SAMD12: variants seen among roughly 807,000 people sequenced by gnomAD.
SAMD12 encodes sterile alpha motif domain containing 12, also known as sterile alpha motif domain-containing protein 12.
A neutral mutation model predicts 15.0 loss-of-function variants in SAMD12; 9 were observed. The observed-to-expected ratio is 0.60, with a 90% CI of 0.36 to 1.05. SAMD12 has a LOEUF of 1.05. SAMD12 is among the 50% of genes least tolerant of loss of function. The probability of loss-of-function intolerance (pLI) is 0.01; values close to 1 mark genes in which losing one functional copy is unlikely to be tolerated. For missense variants in SAMD12, 230 were observed against 234.2 expected (o/e 0.98, Z 0.12); for synonymous variants, 86 against 90.1 (o/e 0.96, Z 0.25).
rs147708237 is a variant in SAMD12 at position 118,409,255 on chromosome 8, T to C, written c.323-29555A>G. Among the ~76,000 whole-genome samples, 19 of 152,250 alleles carry C rather than the reference T, an allele frequency of 1.2e-4. No homozygotes were observed. In the East Asian group the frequency reaches 3.7e-3, roughly 29 times the overall value. ...GAAAATAAGTCCTAATCTTCCACAA[T>C]GTTTTGACTAGATCATTGACGAGAT... On this transcript the variant is annotated intron_variant, in intron 3 of 3. Coordinates refer to ENST00000314727, the MANE Select transcript of SAMD12 (RefSeq NM_207506.3).
chr8:118,546,244 C>T (rs1826119341), intron 2 of SAMD12, among the ~76,000 whole-genome samples: 1 of 152,136 alleles, frequency 6.6e-6, no homozygotes, highest in Non-Finnish European at 1.5e-5. Context: ...AAGCCAAGAC[C>T]TGGACAATGT....
intron 2 of SAMD12, among the ~76,000 whole-genome samples, chr8:118,538,401 C>T (rs1409894540): frequency 2.0e-5 from 3 of 152,200 alleles, no homozygotes; most frequent in Non-Finnish European, 4.4e-5. Flanking sequence ...CTTTAGCTTA[C>T]AGTGGCAGGG....
downstream of SAMD12, among the ~76,000 whole-genome samples, chr8:118,373,033 G>A (rs1241037871): frequency 2.0e-5 from 3 of 152,102 alleles, no homozygotes; most frequent in African/African-American, 7.2e-5. Flanking sequence ...AGCATTGGGA[G>A]AGTATTTTCT....
At chr8:118,481,455 A>AAGAGGGAGGAAGGAAAGGAGAAAG (rs1824124845) in intron 2 of SAMD12, among the ~76,000 whole-genome samples, 1 of 152,172 alleles carries the variant, frequency 6.6e-6, no homozygotes, top group South Asian at 2.1e-4. Flanking sequence ...GAAGAAGGAA[A>AAGAGGGAGGAAGGAAAGGAGAAAG]AGAGGGAGGA....
At chr8:118,565,625 A>C (rs989882256) in intron 2 of SAMD12, among the ~76,000 whole-genome samples, 1 of 152,208 alleles carries the variant, frequency 6.6e-6, no homozygotes, top group Non-Finnish European at 1.5e-5. Context: ...GGAAACCTAG[A>C]TTTACAAGTT....
chr8:118,207,347 C>T (rs111760699), intron 4 of SAMD12, among the ~76,000 whole-genome samples: 70 of 151,240 alleles, frequency 4.6e-4, no homozygotes, highest in African/African-American at 1.6e-3. Flanking sequence ...ATTTGTACAG[C>T]CAATTAGTCA....
chr8:118,546,458 A>T (rs538418657), intron 2 of SAMD12, among the ~76,000 whole-genome samples: 96 of 151,898 alleles, frequency 6.3e-4, no homozygotes, highest in Admixed American at 2.6e-3. Context: ...CCGGGAGGGG[A>T]GGCAAACTTG....
At chr8:118,577,279 G>T (rs1040828107) in intron 2 of SAMD12, among the ~76,000 whole-genome samples, 1 of 152,110 alleles carries the variant, frequency 6.6e-6, no homozygotes, top group Non-Finnish European at 1.5e-5. Flanking sequence ...AGGAATTGGG[G>T]CTAAGGGTCC....
At chr8:118,180,158 T>G in the SAMD12 span, among the ~76,000 whole-genome samples, 1 of 152,214 alleles carries the variant, frequency 6.6e-6, no homozygotes, top group Non-Finnish European at 1.5e-5. Context: ...TTTGTAAGCC[T>G]GCTGTGTTCT....
chr8:118,419,249 G>T, intron 3 of SAMD12, among the ~76,000 whole-genome samples: 1 of 149,734 alleles, frequency 6.7e-6, no homozygotes. Flanking sequence ...ACTGCCATCT[G>T]CTGGCTATGG....
intron 4 of SAMD12, among the ~76,000 whole-genome samples, chr8:118,307,229 T>C (rs16890815): frequency 0.075 from 11,455 of 152,264 alleles, 813 homozygotes; most frequent in African/African-American, 0.16. Context: ...CTATACTTTA[T>C]TCAAGTGGGT....
chr8:118,305,186 G>C (rs1257064132), intron 4 of SAMD12, among the ~76,000 whole-genome samples: 1 of 136,758 alleles, frequency 7.3e-6, no homozygotes, highest in African/African-American at 2.8e-5. Context: ...GTCCAGTTCA[G>C]TGGCATTAAG....
chr8:118,437,425 A>G (rs1445684890), intron 3 of SAMD12, among the ~76,000 whole-genome samples: 1 of 152,202 alleles, frequency 6.6e-6, no homozygotes, highest in Non-Finnish European at 1.5e-5. Flanking sequence ...TTAAAAGGAA[A>G]TAACAGCATG....
At chr8:118,150,136 A>G in the SAMD12 span, among the ~76,000 whole-genome samples, 1 of 152,214 alleles carries the variant, frequency 6.6e-6, no homozygotes. Context: ...GTCCTTCTGT[A>G]TACAGGACAG....
chr8:118,492,972 C>T (rs1327951763), intron 2 of SAMD12, among the ~76,000 whole-genome samples: 1 of 152,156 alleles, frequency 6.6e-6, no homozygotes, highest in Non-Finnish European at 1.5e-5. Context: ...GAGAAGGCAT[C>T]TCTGCTACAT....
chr8:118,576,111 T>C (rs1586830595), intron 2 of SAMD12, among the ~76,000 whole-genome samples: 1 of 152,270 alleles, frequency 6.6e-6, no homozygotes, highest in East Asian at 1.9e-4. Flanking sequence ...CTTCAATGGT[T>C]TCCCACAGAT....
chr8:118,301,179 T>C (rs928007240), intron 4 of SAMD12, among the ~76,000 whole-genome samples: 3 of 152,124 alleles, frequency 2.0e-5, no homozygotes, highest in South Asian at 2.1e-4. Flanking sequence ...AGAAAAACTT[T>C]TTGAAAATGC....
intron 2 of SAMD12, among the ~76,000 whole-genome samples, chr8:118,498,592 T>C (rs1233653440): frequency 6.6e-6 from 1 of 152,202 alleles, no homozygotes; most frequent in African/African-American, 2.4e-5. Flanking sequence ...GCAGATATAC[T>C]TTACCCAAAC....
At chr8:118,599,398 G>A (rs745919330) in intron 1 of SAMD12, among the ~76,000 whole-genome samples, 14 of 152,090 alleles carry the variant, frequency 9.2e-5, no homozygotes, top group Admixed American at 4.6e-4. Context: ...CACGTGCTCC[G>A]AGAACCAAGT....
Sources: gnomAD v4.1 joint callset for allele counts (sites outside exome capture counted in the v4.1 genomes callset) on GRCh38, gnomAD v4.1.1 for gene constraint, MANE v1.5 for transcripts, NCBI Gene and HGNC (gene_info 2026-07-23, HGNC 2026-07-21) for gene names.